Variants in CALN1 observed in about 807,000 individuals in gnomAD.
The protein encoded by CALN1 is calneuron 1.
Under a neutral mutation model 30.6 loss-of-function variants are expected in CALN1, and 17 were observed. The observed-to-expected ratio is 0.56, with a 90% confidence interval of 0.38 to 0.83. CALN1 has a LOEUF of 0.83. Ranked by LOEUF, CALN1 falls within the 40% of genes least tolerant of loss-of-function variation. CALN1 has a pLI of 0.00. For missense variants in CALN1, 291 were observed against 354.9 expected (o/e 0.82, Z 1.45); for synonymous variants, 156 against 131.4 (o/e 1.19, Z -1.28).
chr7:72,060,128 G>T lies in CALN1; in HGVS notation c.389-36359C>A, dbSNP rs151183479. Among the ~76,000 whole-genome samples, 44 of 152,202 alleles carry T rather than the reference G, an allele frequency of 2.9e-4. No individual in the cohort carries two copies. The East Asian group carries it at 7.1e-3, about 25-fold the overall frequency. ...GTTTTGGCTTGAGGGGTAGGAAAAGGGTCTCTAACATTCAGAGAGAGTGGG... is the reference window on the plus strand; with the variant it reads ...GTTTTGGCTTGAGGGGTAGGAAAAGTGTCTCTAACATTCAGAGAGAGTGGG... On this transcript the variant is annotated intron_variant, in intron 4 of 6. Coordinates refer to ENST00000395275, the MANE Select transcript of CALN1 (RefSeq NM_031468.4).
chr7:72,021,904 CT>C (rs1302936778), intron 5 of CALN1, among the ~76,000 whole-genome samples: 3 of 152,150 alleles, frequency 2.0e-5, no homozygotes, highest in African/African-American at 7.2e-5. Flanking sequence ...TTCTCTGTTG[CT>C]CCATGATCTG....
chr7:72,417,049 T>C (rs1319705690), upstream of CALN1, among the ~76,000 whole-genome samples: 2 of 152,190 alleles, frequency 1.3e-5, no homozygotes, highest in African/African-American at 4.8e-5. Flanking sequence ...GGGATTCCCA[T>C]AGAGCCTGAG....
chr7:72,255,198 G>A (rs1795831860), intron 3 of CALN1, among the ~76,000 whole-genome samples: 1 of 151,902 alleles, frequency 6.6e-6, no homozygotes, highest in South Asian at 2.1e-4. Context: ...CGATTCTCAT[G>A]CTTCAGCTTC....
the CALN1 span, among the ~76,000 whole-genome samples, chr7:72,499,953 C>T: frequency 1.3e-5 from 2 of 148,226 alleles, no homozygotes; most frequent in Admixed American, 1.4e-4. Context: ...GCTCTGTTGC[C>T]CTGGCTGAAG....
At chr7:72,258,834 C>T (rs1418306792) in intron 3 of CALN1, among the ~76,000 whole-genome samples, 1 of 151,056 alleles carries the variant, frequency 6.6e-6, no homozygotes, top group Non-Finnish European at 1.5e-5. Context: ...GGGCAGATCA[C>T]CCAAGGTCAG....
intron 5 of CALN1, among the ~76,000 whole-genome samples, chr7:71,918,540 CTTGT>C (rs888980512): frequency 6.6e-6 from 1 of 152,114 alleles, no homozygotes; most frequent in African/African-American, 2.4e-5. Context: ...AAGGTTTTTG[CTTGT>C]TTGTTTTTGC....
At chr7:72,426,965 A>G (rs1404867004) in intron 1 of CALN1, among the ~76,000 whole-genome samples, 1 of 151,898 alleles carries the variant, frequency 6.6e-6, no homozygotes, top group Non-Finnish European at 1.5e-5. Flanking sequence ...CTTCCTGCCT[A>G]TTGTCTGCAG....
chr7:71,802,391 A>G (rs1301682096), intron 6 of CALN1, among the ~76,000 whole-genome samples: 1 of 152,240 alleles, frequency 6.6e-6, no homozygotes, highest in African/African-American at 2.4e-5. Flanking sequence ...TCCCTTATTC[A>G]GTATGAATGG....
chr7:71,840,553 AG>A (rs1434447315), intron 5 of CALN1, among the ~76,000 whole-genome samples: 4 of 151,360 alleles, frequency 2.6e-5, no homozygotes, highest in Non-Finnish European at 5.9e-5. Flanking sequence ...AACATCCTGC[AG>A]GGCCAAGTGT....
intron 2 of CALN1, among the ~76,000 whole-genome samples, chr7:72,385,014 G>A (rs527483581): frequency 1.2e-4 from 19 of 152,026 alleles, no homozygotes; most frequent in Non-Finnish European, 1.9e-4. Flanking sequence ...ATACTCCTCC[G>A]CAAGAAAAAA....
intron 3 of CALN1, among the ~76,000 whole-genome samples, chr7:72,249,451 T>C (rs10238714): frequency 0.19 from 28,728 of 152,038 alleles, 3,768 homozygotes; most frequent in East Asian, 0.43. Context: ...GAGGCAGGAC[T>C]AGCCCAGGCA....
the CALN1 span, among the ~76,000 whole-genome samples, chr7:72,491,944 G>C: frequency 6.6e-6 from 1 of 152,132 alleles, no homozygotes; most frequent in Non-Finnish European, 1.5e-5. Flanking sequence ...ATAACAGATA[G>C]AATTTTCCCT....
At chr7:71,859,131 C>T (rs1463729478) in intron 5 of CALN1, among the ~76,000 whole-genome samples, 2 of 152,130 alleles carry the variant, frequency 1.3e-5, no homozygotes, top group Non-Finnish European at 2.9e-5. Context: ...GGCATGATCT[C>T]GGCTCACTGC....
chr7:72,167,244 T>A (rs1788591442), intron 3 of CALN1, among the ~76,000 whole-genome samples: 1 of 152,170 alleles, frequency 6.6e-6, no homozygotes, highest in African/African-American at 2.4e-5. Context: ...GCATGTTGGG[T>A]CAACCAAGTA....
chr7:72,049,687 T>C (rs1395688069), intron 4 of CALN1, among the ~76,000 whole-genome samples: 1 of 151,980 alleles, frequency 6.6e-6, no homozygotes, highest in Non-Finnish European at 1.5e-5. Context: ...TTTGTGTTTT[T>C]AGTAGGGATG....
At chr7:72,355,028 G>A (rs1025443377) in intron 2 of CALN1, among the ~76,000 whole-genome samples, 6 of 151,596 alleles carry the variant, frequency 4.0e-5, no homozygotes, top group African/African-American at 1.5e-4. Context: ...TCTCAACTCA[G>A]CCCCGGAATA....
intron 2 of CALN1, among the ~76,000 whole-genome samples, chr7:72,320,938 G>A (rs1421634207): frequency 6.6e-6 from 1 of 151,660 alleles, no homozygotes; most frequent in Non-Finnish European, 1.5e-5. Context: ...GTCCACAGCT[G>A]TGTGACTTTC....
chr7:71,850,455 T>C (rs1790572335), intron 5 of CALN1, among the ~76,000 whole-genome samples: 1 of 152,188 alleles, frequency 6.6e-6, no homozygotes, highest in South Asian at 2.1e-4. Context: ...TGACCTCAGA[T>C]GATTCACCTG....
intron 5 of CALN1, among the ~76,000 whole-genome samples, chr7:72,005,043 G>A (rs1194053218): frequency 2.0e-5 from 3 of 152,150 alleles, no homozygotes; most frequent in African/African-American, 7.2e-5. Flanking sequence ...TTGCTGGTGA[G>A]AATGTAAAAT....
Sources: allele counts gnomAD v4.1 joint callset (sites outside exome capture counted in the v4.1 genomes callset), GRCh38; gene constraint gnomAD v4.1.1; transcripts MANE v1.5; gene names NCBI Gene and HGNC (gene_info 2026-07-23, HGNC 2026-07-21).